Variants in TCERG1L observed in about 807,000 individuals in gnomAD.
TCERG1L encodes the protein transcription elongation regulator 1 like, also known as transcription elongation regulator 1-like protein.
Under a neutral mutation model 56.3 loss-of-function variants are expected in TCERG1L, and 37 were observed. The ratio of observed to expected loss-of-function variants is 0.66; its 90% CI spans 0.51 to 0.87. The LOEUF (loss-of-function observed/expected upper bound fraction) is 0.87, where lower values mean the gene tolerates loss of function less well. Among genes scored for constraint, TCERG1L ranks in the 40% least tolerant of loss-of-function variants. The pLI, the probability that TCERG1L is intolerant of heterozygous loss-of-function variation, is 0.00. For synonymous variants in TCERG1L, 324 were observed against 326.3 expected (o/e 0.99, Z 0.08); for missense variants, 799 against 774.2 (o/e 1.03, Z -0.38).
At chr10:131,188,684 T>A (rs760346255) in intron 4 of TCERG1L, among the ~76,000 whole-genome samples, 1 of 152,236 alleles carries the variant, frequency 6.6e-6, no homozygotes, top group Non-Finnish European at 1.5e-5. Flanking sequence ...AAATTGTATC[T>A]ACACATGGGC....
Position 131,116,843 on chromosome 10 carries a change from C to G in TCERG1L, c.1351G>C (p.Glu451Gln). The G allele has an allele frequency of 1.3e-6, 2 of 1,580,954 alleles. No individual in the cohort carries two copies. Among genetic ancestry groups the G allele is most frequent in the Non-Finnish European group, 1.7e-6 (2 of 1,164,000 alleles). Residue 451 changes from glutamate (E) to glutamine (Q), a missense_variant, in exon 9 of 12, where the codon GAG (glutamate) becomes CAG (glutamine). Transcript: ENST00000368642. ...TPPPQILLPLEERVTHFRDML... is the reference protein window; with the variant it reads ...TPPPQILLPLQERVTHFRDML... ...TCTCGGAAGTGGGTCACACGCTCCT[C>G]CAGAGGCAGGAGGATCTGCGGGGGC...
At position 131,163,088 on chromosome 10, in the gene TCERG1L, T is replaced by C. The variant is rs775218857; in HGVS notation, c.1034+34A>G. The C allele has an allele frequency of 1.6e-5, 24 of 1,489,594 alleles. No homozygotes were observed. In the Admixed American group the frequency reaches 2.7e-4, roughly 17 times the overall value. The allele number at this position is 1,489,594 out of a possible 1,614,324, so 92.3% of individuals were successfully genotyped here. A position where few individuals can be genotyped will look rare whatever the true frequency, so the allele number is the denominator to read the frequency against. On this transcript the variant is annotated intron_variant, in intron 6 of 11. Transcript: ENST00000368642. The stretch of plus-strand genomic sequence containing the variant: ...CAAATGCCAGGACCAGACAACGCCA[T>C]TGCTAGTGGCTCTCAGGCTTTGGGG...
chr10:131,186,317 A>G (rs1277439387), intron 4 of TCERG1L, among the ~76,000 whole-genome samples: 3 of 152,214 alleles, frequency 2.0e-5, no homozygotes, highest in South Asian at 2.1e-4. Flanking sequence ...ATTGCGCTCA[A>G]TGCTGCTGAA....
At chr10:131,287,858 C>G (rs2133569578) in intron 3 of TCERG1L, among the ~76,000 whole-genome samples, 1 of 152,320 alleles carries the variant, frequency 6.6e-6, no homozygotes, top group East Asian at 1.9e-4. Context: ...CAAGGTCAGG[C>G]AGCTGGCGAG....
intron 4 of TCERG1L, among the ~76,000 whole-genome samples, chr10:131,245,976 GACGGGGTAA>G (rs1846031575): frequency 1.3e-5 from 2 of 152,166 alleles, no homozygotes; most frequent in South Asian, 4.1e-4. Flanking sequence ...TGATGGGAAT[GACGGGGTAA>G]ACAGAGGCCG....
intron 4 of TCERG1L, among the ~76,000 whole-genome samples, chr10:131,202,607 AT>A: frequency 6.6e-6 from 1 of 152,186 alleles, no homozygotes; most frequent in African/African-American, 2.4e-5. Flanking sequence ...TAAAAAACAG[AT>A]TTTTTCAAGT....
Position 131,104,163 on chromosome 10 carries a change from T to C in TCERG1L, c.1485+102A>G, listed in dbSNP as rs939543317. The stretch of plus-strand genomic sequence containing the variant: ...CAAGCCACTGGCCAAATTTACAACA[T>C]GGGTGTCTGTTATTGAGCAATGAAA... On this transcript the variant is annotated intron_variant, in intron 10 of 11. Transcript: ENST00000368642. 5.1e-6 allele frequency: 4 copies of C among 791,338 alleles called. No homozygotes were observed. In the South Asian group the frequency reaches 5.1e-5, roughly 10 times the overall value. The allele number at this position is 791,338 out of a possible 1,614,324, so 49.0% of individuals were successfully genotyped here.
At chr10:131,130,410 T>G (rs1017080266) in intron 8 of TCERG1L, among the ~76,000 whole-genome samples, 2 of 152,194 alleles carry the variant, frequency 1.3e-5, no homozygotes, top group Non-Finnish European at 2.9e-5. Flanking sequence ...CAATTCCAGA[T>G]GAGGGTTAGG....
chr10:131,182,702 T>G (rs1330859647), intron 4 of TCERG1L, among the ~76,000 whole-genome samples: 1 of 152,236 alleles, frequency 6.6e-6, no homozygotes, highest in African/African-American at 2.4e-5. Flanking sequence ...TCATATCAAG[T>G]CGGCTCTGAC....
intron 4 of TCERG1L, among the ~76,000 whole-genome samples, chr10:131,211,892 CAG>C (rs1845624685): frequency 6.6e-6 from 1 of 152,174 alleles, no homozygotes; most frequent in Non-Finnish European, 1.5e-5. Context: ...ATCAGATAAA[CAG>C]AAGTTTCCAC....
intron 8 of TCERG1L, among the ~76,000 whole-genome samples, chr10:131,130,524 G>A (rs1307748398): frequency 1.3e-5 from 2 of 152,170 alleles, no homozygotes; most frequent in Non-Finnish European, 2.9e-5. Context: ...ACGCCCCTGT[G>A]TCCCTCTGCC....
At chr10:131,185,176 TAAC>T (rs756487888) in intron 4 of TCERG1L, among the ~76,000 whole-genome samples, 14 of 152,106 alleles carry the variant, frequency 9.2e-5, no homozygotes, top group Non-Finnish European at 2.1e-4. Context: ...AATAATTAGA[TAAC>T]AAGATGCATC....
At position 131,093,092 on chromosome 10, in the gene TCERG1L, T is replaced by C; in HGVS notation, c.*70A>G. The C allele has an allele frequency of 2.6e-6, 4 of 1,552,596 alleles. No individual in the cohort carries two copies. The highest frequency in any genetic ancestry group is 2.0e-4 in the Middle Eastern group (1 of 4,978). On this transcript the variant is annotated 3_prime_UTR_variant, in exon 12 of 12. Coordinates refer to ENST00000368642, the MANE Select transcript of TCERG1L (RefSeq NM_174937.4). ...CGGCCGCCCCACGCCCGTGTCCGTC[T>C]CCACCGTGACCCCCTCGCCCCCGGC...
intron 9 of TCERG1L, among the ~76,000 whole-genome samples, chr10:131,113,538 G>A (rs1316565828): frequency 7.0e-6 from 1 of 142,308 alleles, no homozygotes; most frequent in Non-Finnish European, 1.6e-5. Context: ...CCACAGCCTC[G>A]CTGTCAACAC....
intron 11 of TCERG1L, among the ~76,000 whole-genome samples, chr10:131,094,602 A>C (rs1195069195): frequency 2.6e-5 from 4 of 151,938 alleles, no homozygotes; most frequent in African/African-American, 4.8e-5. Context: ...CATCTCTCGC[A>C]AGAAAAGCGC....
intron 3 of TCERG1L, among the ~76,000 whole-genome samples, chr10:131,266,331 T>C (rs2397759): frequency 0.91 from 138,352 of 152,260 alleles, 63,473 homozygotes; most frequent in South Asian, 0.97. Flanking sequence ...TTCAAACTCC[T>C]GTTAATGTTG....
chr10:131,098,445 G>GA, intron 10 of TCERG1L, 21 bp from the exon 11 acceptor site: 1 of 1,528,378 alleles, frequency 6.5e-7, no homozygotes, highest in South Asian at 1.3e-5. Flanking sequence ...AGATACAGAA[G>GA]AAAAACATCA....
chr10:131,176,263 C>T (rs1423931061), intron 4 of TCERG1L, among the ~76,000 whole-genome samples: 1 of 147,980 alleles, frequency 6.8e-6, no homozygotes, highest in Admixed American at 6.6e-5. Flanking sequence ...GACGGATGCA[C>T]ACACAGACAC....
intron 9 of TCERG1L, among the ~76,000 whole-genome samples, chr10:131,108,992 T>G (rs1419109): frequency 0.11 from 15,932 of 151,628 alleles, 969 homozygotes; most frequent in East Asian, 0.21. Flanking sequence ...GACAACACAG[T>G]GCAACATCGC....
Sources: allele counts gnomAD v4.1 joint callset (sites outside exome capture counted in the v4.1 genomes callset), GRCh38; gene constraint gnomAD v4.1.1; transcripts MANE v1.5; gene names NCBI Gene and HGNC (gene_info 2026-07-23, HGNC 2026-07-21).